Variants in DRC8 observed in about 807,000 individuals in gnomAD.
The protein encoded by DRC8 is dynein regulatory complex protein 8.
At chr1:245,044,831 C>T in the DRC8 span, among the ~76,000 whole-genome samples, 4 of 151,962 alleles carry the variant, frequency 2.6e-5, no homozygotes, top group East Asian at 3.9e-4. Context: ...CCACCTACCT[C>T]GGTACCCCCT....
At chr1:245,000,694 T>C in the DRC8 span, among the ~76,000 whole-genome samples, 1 of 151,368 alleles carries the variant, frequency 6.6e-6, no homozygotes. Context: ...GGCAGGAGAA[T>C]GGCGTGAACC....
At chr1:245,070,278 G>A in the DRC8 span, among the ~76,000 whole-genome samples, 1 of 151,896 alleles carries the variant, frequency 6.6e-6, no homozygotes, top group Non-Finnish European at 1.5e-5. Context: ...TTAATTATAT[G>A]GCAATGACCA....
At chr1:245,005,720 A>G in the DRC8 span, among the ~76,000 whole-genome samples, 1 of 152,214 alleles carries the variant, frequency 6.6e-6, no homozygotes, top group Non-Finnish European at 1.5e-5. Context: ...AGTGAGACAA[A>G]TAAGTAAACT....
the DRC8 span, among the ~76,000 whole-genome samples, chr1:245,084,085 T>G: frequency 6.1e-5 from 6 of 97,996 alleles, no homozygotes; most frequent in Non-Finnish European, 1.3e-4. Context: ...CGCCCCGGCT[T>G]TTTTTTTTTT....
chr1:245,112,612 C>T, the DRC8 span, among the ~76,000 whole-genome samples: 6 of 152,160 alleles, frequency 3.9e-5, no homozygotes. Flanking sequence ...CCATTTTAAC[C>T]ACTTCCATGC....
At chr1:245,018,196 C>T in the DRC8 span, among the ~76,000 whole-genome samples, 1 of 141,826 alleles carries the variant, frequency 7.1e-6, no homozygotes, top group Admixed American at 7.4e-5. Flanking sequence ...CACTGCACTC[C>T]AGCCTGGGCG....
the DRC8 span, among the ~76,000 whole-genome samples, chr1:245,054,651 G>A: frequency 6.6e-6 from 1 of 152,080 alleles, no homozygotes; most frequent in Non-Finnish European, 1.5e-5. Context: ...TTCCTTGAAT[G>A]TGGGTACTCC....
chr1:245,076,876 A>G, the DRC8 span, among the ~76,000 whole-genome samples: 1 of 151,968 alleles, frequency 6.6e-6, no homozygotes, highest in East Asian at 1.9e-4. Flanking sequence ...ACAGGTGCAC[A>G]CCACCATGTC....
chr1:245,113,790 G>A, the DRC8 span, among the ~76,000 whole-genome samples: 1 of 152,000 alleles, frequency 6.6e-6, no homozygotes, highest in African/African-American at 2.4e-5. Flanking sequence ...ATCCCACCAA[G>A]AACAAGAAGC....
chr1:244,995,910 A>G, the DRC8 span, among the ~76,000 whole-genome samples: 1 of 152,072 alleles, frequency 6.6e-6, no homozygotes, highest in African/African-American at 2.4e-5. Flanking sequence ...CCTCTCCCAC[A>G]TTTTTAGGCA....
the DRC8 span, chr1:245,017,175 T>G: frequency 6.9e-7 from 1 of 1,452,302 alleles, no homozygotes. Flanking sequence ...CTAGTCTGGT[T>G]ATTAGAATTT....
At chr1:245,118,805 G>GAAAAGAAAAT in the DRC8 span, among the ~76,000 whole-genome samples, 16 of 74,074 alleles carry the variant, frequency 2.2e-4, 1 homozygote, top group East Asian at 3.9e-3. Context: ...AAAAAGAAAA[G>GAAAAGAAAAT]AAAAGAAAAG....
chr1:245,028,124 A>G, the DRC8 span, among the ~76,000 whole-genome samples: 2 of 152,138 alleles, frequency 1.3e-5, no homozygotes, highest in African/African-American at 4.8e-5. Context: ...TTCCGGGCTC[A>G]AGCAATCTGC....
At chr1:245,016,053 C>A in the DRC8 span, among the ~76,000 whole-genome samples, 1 of 140,668 alleles carries the variant, frequency 7.1e-6, no homozygotes, top group Non-Finnish European at 1.5e-5. Flanking sequence ...GCAATCTCGG[C>A]TCACTGCAAC....
chr1:245,054,549 T>A, the DRC8 span, among the ~76,000 whole-genome samples: 23 of 152,130 alleles, frequency 1.5e-4, no homozygotes, highest in Admixed American at 6.6e-5. Flanking sequence ...TTTTTCTCCT[T>A]AGCCTCCACG....
At chr1:245,012,804 G>A in the DRC8 span, among the ~76,000 whole-genome samples, 1 of 151,914 alleles carries the variant, frequency 6.6e-6, no homozygotes, top group Non-Finnish European at 1.5e-5. Context: ...AACTTTCAAT[G>A]GTATTTCATT....
chr1:245,025,248 A>T, the DRC8 span, among the ~76,000 whole-genome samples: 1 of 152,232 alleles, frequency 6.6e-6, no homozygotes, highest in Non-Finnish European at 1.5e-5. Flanking sequence ...TGATAAATTT[A>T]ATTTGAAAAT....
the DRC8 span, among the ~76,000 whole-genome samples, chr1:245,118,658 G>A: frequency 2.6e-5 from 4 of 152,052 alleles, no homozygotes; most frequent in African/African-American, 7.2e-5. Flanking sequence ...TGGCGTGGTG[G>A]TGCATGCCTG....
the DRC8 span, among the ~76,000 whole-genome samples, chr1:245,073,527 G>A: frequency 6.6e-6 from 1 of 152,078 alleles, no homozygotes; most frequent in African/African-American, 2.4e-5. Flanking sequence ...AGGGGACGGG[G>A]CGTGGCATAT....
Sources: allele counts gnomAD v4.1 joint callset (sites outside exome capture counted in the v4.1 genomes callset), GRCh38; gene constraint gnomAD v4.1.1; transcripts MANE v1.5; gene names NCBI Gene and HGNC (gene_info 2026-07-23, HGNC 2026-07-21).